The following ASTN1 variants were observed in gnomAD, a reference collection of about 807,000 sequenced individuals.
ASTN1 encodes astrotactin 1, also known as astrotactin-1.
In ASTN1, 41 loss-of-function variants were observed where a neutral mutation model predicts 140.7. The ratio of observed to expected loss-of-function variants is 0.29; its 90% CI spans 0.23 to 0.38. The LOEUF is 0.38. Among genes scored for constraint, ASTN1 ranks in the 10% least tolerant of loss-of-function variants. ASTN1 has a pLI of 1.00. For missense variants in ASTN1, 1,479 were observed against 1,678.8 expected (o/e 0.88, Z 2.08); for synonymous variants, 640 against 652.2 (o/e 0.98, Z 0.29).
intron 8 of ASTN1, among the ~76,000 whole-genome samples, chr1:177,004,124 A>G (rs1276328835): frequency 6.6e-6 from 1 of 152,230 alleles, no homozygotes; most frequent in Non-Finnish European, 1.5e-5. Context: ...CGAATTCAGT[A>G]AAGTCTAGGT....
chr1:177,102,824 C>T (rs974564978), intron 1 of ASTN1, among the ~76,000 whole-genome samples: 106 of 152,276 alleles, frequency 7.0e-4, no homozygotes, highest in African/African-American at 2.5e-3. Context: ...TTCTTAACAT[C>T]ATAGAACTGG....
chr1:176,868,801 T>C (rs1456729927), intron 22 of ASTN1, 43 bp downstream of exon 22: 5 of 1,537,898 alleles, frequency 3.3e-6, no homozygotes, highest in Non-Finnish European at 4.4e-6. Context: ...AGGTACAAAA[T>C]TTCAAGAAGT....
At chr1:176,977,914 G>A (rs1331181210) in intron 8 of ASTN1, among the ~76,000 whole-genome samples, 3 of 152,198 alleles carry the variant, frequency 2.0e-5, no homozygotes, top group Non-Finnish European at 2.9e-5. Flanking sequence ...ATGACTTGGG[G>A]TGACATCCTC....
intron 19 of ASTN1, among the ~76,000 whole-genome samples, chr1:176,883,840 G>C (rs17313104): frequency 0.17 from 23,710 of 141,266 alleles, 2,481 homozygotes; most frequent in South Asian, 0.27. Flanking sequence ...TTTTGTTAAG[G>C]CTTCCCTCTT....
At chr1:177,067,933 G>A (rs1190518221) in intron 1 of ASTN1, among the ~76,000 whole-genome samples, 5 of 152,022 alleles carry the variant, frequency 3.3e-5, no homozygotes, top group Admixed American at 2.6e-4. Context: ...CATGCCTCTC[G>A]CCATAGGGAC....
chr1:177,134,788 T>C (rs959578381), intron 1 of ASTN1, among the ~76,000 whole-genome samples: 2 of 152,178 alleles, frequency 1.3e-5, no homozygotes, highest in Non-Finnish European at 2.9e-5. Flanking sequence ...ACTTCAGCAA[T>C]AATGATCATC....
Position 176,882,844 on chromosome 1 carries a change from G to A in ASTN1, c.3362+15C>T. On this transcript the variant is annotated intron_variant, in intron 20 of 22. Coordinates refer to ENST00000361833, the MANE Select transcript of ASTN1 (RefSeq NM_004319.3). The stretch of plus-strand genomic sequence containing the variant: ...GTCAGGGTAAGAAGTCACTAGGTAG[G>A]TGTGTGTTACTCACATGTAAATGGT... 12 of 1,614,062 alleles carry A rather than the reference G, an allele frequency of 7.4e-6. No homozygotes were observed. Among genetic ancestry groups the A allele is most frequent in the Non-Finnish European group, 1.0e-5 (12 of 1,179,962 alleles).
chr1:176,948,314 T>G, intron 12 of ASTN1, among the ~76,000 whole-genome samples: 2 of 133,692 alleles, frequency 1.5e-5, no homozygotes, highest in Non-Finnish European at 3.2e-5. Flanking sequence ...GGGGGGAGAA[T>G]GGAGAGTGGG....
chr1:176,984,599 T>G (rs1004428254), intron 8 of ASTN1, among the ~76,000 whole-genome samples: 2 of 152,128 alleles, frequency 1.3e-5, no homozygotes, highest in African/African-American at 4.8e-5. Context: ...CACCGAACAG[T>G]CATGAGCCTC....
intron 21 of ASTN1, among the ~76,000 whole-genome samples, chr1:176,872,941 T>C (rs939044745): frequency 6.6e-6 from 1 of 152,206 alleles, no homozygotes; most frequent in Non-Finnish European, 1.5e-5. Flanking sequence ...TACACATTAC[T>C]GTTTTGCTGT....
At chr1:177,135,191 C>T (rs1387292396) in intron 1 of ASTN1, among the ~76,000 whole-genome samples, 2 of 152,122 alleles carry the variant, frequency 1.3e-5, no homozygotes, top group East Asian at 1.9e-4. Context: ...TGCATTTCAT[C>T]ACATCAGTAG....
chr1:176,998,919 T>A (rs1674588153), intron 8 of ASTN1, among the ~76,000 whole-genome samples: 1 of 152,208 alleles, frequency 6.6e-6, no homozygotes, highest in African/African-American at 2.4e-5. Flanking sequence ...GGTACCAAAC[T>A]TCCTTGTGCC....
At chr1:177,056,746 G>A (rs189760079) in intron 2 of ASTN1, among the ~76,000 whole-genome samples, 12 of 152,086 alleles carry the variant, frequency 7.9e-5, no homozygotes, top group East Asian at 1.9e-4. Flanking sequence ...CATTAAACTC[G>A]TTTGCGTACT....
chr1:176,900,853 C>T (rs560354035), intron 16 of ASTN1, among the ~76,000 whole-genome samples: 48 of 152,306 alleles, frequency 3.2e-4, no homozygotes, highest in Non-Finnish European at 5.3e-4. Context: ...CCACCAACAC[C>T]ATCGGATGGC....
At chr1:177,047,305 G>T (rs1011891614) in intron 2 of ASTN1, among the ~76,000 whole-genome samples, 1 of 152,182 alleles carries the variant, frequency 6.6e-6, no homozygotes, top group African/African-American at 2.4e-5. Flanking sequence ...CAGCCAAAAG[G>T]CCAGCATGAG....
chr1:176,944,463 G>A (rs1045986453), intron 13 of ASTN1, among the ~76,000 whole-genome samples: 4 of 152,094 alleles, frequency 2.6e-5, no homozygotes, highest in Admixed American at 2.6e-4. Context: ...GTTTCACCAT[G>A]TTGCCAAGAC....
At chr1:177,006,151 C>T (rs1248897228) in intron 8 of ASTN1, among the ~76,000 whole-genome samples, 4 of 152,110 alleles carry the variant, frequency 2.6e-5, no homozygotes, top group Non-Finnish European at 4.4e-5. Context: ...TTAACTTTGG[C>T]ATTAAGAATA....
At chr1:177,088,396 A>C (rs1679579391) in intron 1 of ASTN1, among the ~76,000 whole-genome samples, 1 of 152,188 alleles carries the variant, frequency 6.6e-6, no homozygotes, top group African/African-American at 2.4e-5. Flanking sequence ...AGTTTACTTA[A>C]GCTGGGAAAT....
At chr1:177,133,993 A>G (rs1682056719) in intron 1 of ASTN1, among the ~76,000 whole-genome samples, 1 of 152,192 alleles carries the variant, frequency 6.6e-6, no homozygotes, top group Non-Finnish European at 1.5e-5. Flanking sequence ...TTATGCCTAC[A>G]GTAGTCACCC....
Sources: allele counts gnomAD v4.1 joint callset (sites outside exome capture counted in the v4.1 genomes callset), GRCh38; gene constraint gnomAD v4.1.1; transcripts MANE v1.5; gene names NCBI Gene and HGNC (gene_info 2026-07-23, HGNC 2026-07-21).